NELL1: variants seen among roughly 807,000 people sequenced by gnomAD.
NELL1 encodes neural EGFL like 1, also known as protein kinase C-binding protein NELL1.
In NELL1, 76 loss-of-function variants were observed where a neutral mutation model predicts 107.4. The observed-to-expected ratio is 0.71, with a 90% CI of 0.59 to 0.86. The LOEUF is 0.86. Among genes scored for constraint, NELL1 ranks in the 40% least tolerant of loss-of-function variants. The pLI is 0.00. For synonymous variants in NELL1, 353 were observed against 341.2 expected (o/e 1.03, Z -0.38); for missense variants, 1,024 against 1,005.5 (o/e 1.02, Z -0.25).
chr11:20,928,052 T>C (rs1297959883), intron 8 of NELL1, among the ~76,000 whole-genome samples: 10 of 152,218 alleles, frequency 6.6e-5, no homozygotes, highest in Admixed American at 6.5e-4. Flanking sequence ...AACAGATTGT[T>C]AGAGCCTCAG....
At chr11:21,406,890 A>T (rs1852250312) in intron 15 of NELL1, among the ~76,000 whole-genome samples, 2 of 151,870 alleles carry the variant, frequency 1.3e-5, no homozygotes, top group East Asian at 1.9e-4. Flanking sequence ...AACTATAGTC[A>T]CTCTACTGTG....
rs535929704 is a variant in NELL1 at position 21,054,368 on chromosome 11, A to G, written c.1301-59221A>G. Among the ~76,000 whole-genome samples the G allele has an allele frequency of 4.6e-5, 7 of 152,244 alleles. No homozygotes were observed. In the South Asian group the frequency reaches 1.4e-3, roughly 32 times the overall value. On this transcript the variant is annotated intron_variant, in intron 12 of 19. Transcript: ENST00000357134. ...TATCTTTTATGTACTATAGTTATCT[A>G]ATGTTTAATATTGTTTAAACACAGT...
intron 3 of NELL1, among the ~76,000 whole-genome samples, chr11:20,845,272 CAATGT>C (rs1428867010): frequency 6.6e-6 from 1 of 152,106 alleles, no homozygotes; most frequent in African/African-American, 2.4e-5. Flanking sequence ...GTGATTACCC[CAATGT>C]AATCACTGAC....
chr11:20,897,393 A>G lies in NELL1; in HGVS notation c.603+11853A>G, dbSNP rs570841299. ...AGCTGAAACTGGATCCCTTCCTTAC[A>G]CCTTATACAAAAATTAATTCAAGAT... On this transcript the variant is annotated intron_variant, in intron 5 of 19. Transcript: ENST00000357134. Among the ~76,000 whole-genome samples the G allele has an allele frequency of 4.1e-3, 623 of 152,302 alleles. 5 individuals carry two copies. The highest frequency in any genetic ancestry group is 0.014 in the African/African-American group (582 of 41,548).
chr11:21,450,735 C>T (rs981101933), intron 15 of NELL1, among the ~76,000 whole-genome samples: 1 of 152,070 alleles, frequency 6.6e-6, no homozygotes, highest in Non-Finnish European at 1.5e-5. Context: ...GAACTGCATA[C>T]AGTATGACTC....
chr11:20,993,204 T>C (rs188283973), intron 12 of NELL1, among the ~76,000 whole-genome samples: 24 of 152,314 alleles, frequency 1.6e-4, no homozygotes, highest in African/African-American at 5.5e-4. Context: ...AGATTTTCTC[T>C]ACTAAGTTTC....
In NELL1 at chr11:21,457,523, G is replaced by A. The variant is rs138225607; in HGVS notation, c.1646-76851G>A. 6.6e-3 allele frequency among the ~76,000 whole-genome samples: 1,003 copies of A among 152,286 alleles called. 8 individuals are homozygous for A. Among genetic ancestry groups the A allele is most frequent in the Middle Eastern group, 0.017 (5 of 294 alleles). On this transcript the variant is annotated intron_variant, in intron 15 of 19. Coordinates refer to ENST00000357134, the MANE Select transcript of NELL1 (RefSeq NM_006157.5). Reference sequence around the variant, plus strand: ...TTCTGAAACACAGGCAGAGATAGCAGTGCTCTTCACCAAAATTGTCAATAC... The same window carrying A: ...TTCTGAAACACAGGCAGAGATAGCAATGCTCTTCACCAAAATTGTCAATAC...
intron 13 of NELL1, among the ~76,000 whole-genome samples, chr11:21,219,985 AAAGAGGAGGTGCTACAC>A (rs1857713146): frequency 6.6e-6 from 1 of 152,186 alleles, no homozygotes; most frequent in South Asian, 2.1e-4. Context: ...GGAAGAGAGC[AAAGAGGAGGTGCTACAC>A]ACTTTTAAAC....
At chr11:21,245,186 G>A (rs1338722771) in intron 14 of NELL1, among the ~76,000 whole-genome samples, 2 of 152,078 alleles carry the variant, frequency 1.3e-5, no homozygotes, top group South Asian at 2.1e-4. Flanking sequence ...CTGTATTTTA[G>A]TCAAACTAAA....
At chr11:21,284,437 G>A (rs1849067831) in intron 14 of NELL1, 1 of 457,908 alleles carries the variant, frequency 2.2e-6, no homozygotes. Context: ...AAAAAGTGAT[G>A]GCTGTGCACA....
In NELL1 at chr11:21,415,850, C is replaced by T. The variant is rs138657018; in HGVS notation, c.1645+44902C>T. On this transcript the variant is annotated intron_variant, in intron 15 of 19. Transcript: ENST00000357134. ...ACTCAGGGATGTATGCCAAATGACACTTTAATTGTCATTAATTAGGTTCCA... is the reference window on the plus strand; with the variant it reads ...ACTCAGGGATGTATGCCAAATGACATTTTAATTGTCATTAATTAGGTTCCA... Among the ~76,000 whole-genome samples, 377 of 152,174 alleles carry T rather than the reference C, an allele frequency of 2.5e-3. 1 individual carries two copies. Among genetic ancestry groups the T allele is most frequent in the African/African-American group, 8.5e-3 (355 of 41,556 alleles).
chr11:21,440,821 G>A (rs1428978557), intron 15 of NELL1, among the ~76,000 whole-genome samples: 1 of 152,112 alleles, frequency 6.6e-6, no homozygotes, highest in African/African-American at 2.4e-5. Flanking sequence ...AATTCCATTT[G>A]TGAGAGTACT....
intron 14 of NELL1, among the ~76,000 whole-genome samples, chr11:21,358,819 C>A (rs1851007158): frequency 6.6e-6 from 1 of 151,920 alleles, no homozygotes; most frequent in Non-Finnish European, 1.5e-5. Context: ...ACCAGTGCTA[C>A]TGATTTGTGT....
At chr11:21,419,425 G>C (rs1477948713) in intron 15 of NELL1, among the ~76,000 whole-genome samples, 1 of 152,070 alleles carries the variant, frequency 6.6e-6, no homozygotes. Context: ...TTAGGAAAAA[G>C]AAACTTCTAA....
At chr11:21,073,578 A>G (rs112841419) in intron 12 of NELL1, among the ~76,000 whole-genome samples, 152 of 152,296 alleles carry the variant, frequency 1.0e-3, no homozygotes, top group African/African-American at 3.4e-3. Context: ...AAGCCCATGT[A>G]TGGCATCACA....
intron 15 of NELL1, among the ~76,000 whole-genome samples, chr11:21,492,048 G>GA (rs1286743996): frequency 6.6e-6 from 1 of 151,800 alleles, no homozygotes; most frequent in Admixed American, 6.6e-5. Flanking sequence ...TAATTTACAA[G>GA]GAAAAAACAA....
At chr11:21,455,353 G>GAC (rs1188012920) in intron 15 of NELL1, among the ~76,000 whole-genome samples, 1 of 126,766 alleles carries the variant, frequency 7.9e-6, no homozygotes, top group African/African-American at 3.0e-5. Flanking sequence ...GAGAGAGAGA[G>GAC]ACACGGCCTT....
chr11:21,096,771 G>T (rs772863813), intron 12 of NELL1, among the ~76,000 whole-genome samples: 1 of 152,112 alleles, frequency 6.6e-6, no homozygotes, highest in Non-Finnish European at 1.5e-5. Context: ...CTGTCACCCA[G>T]TGGCACAATC....
chr11:20,768,175 T>G (rs892206357), intron 2 of NELL1, among the ~76,000 whole-genome samples: 5 of 152,204 alleles, frequency 3.3e-5, no homozygotes, highest in African/African-American at 1.2e-4. Flanking sequence ...TTAATCCTTA[T>G]AACAATTGTG....
Sources: gnomAD v4.1 joint callset for allele counts (sites outside exome capture counted in the v4.1 genomes callset) on GRCh38, gnomAD v4.1.1 for gene constraint, MANE v1.5 for transcripts, NCBI Gene and HGNC (gene_info 2026-07-23, HGNC 2026-07-21) for gene names.